Variants in CTNNA2 observed in about 807,000 individuals in gnomAD.
CTNNA2 encodes the protein catenin alpha-2.
Under a neutral mutation model 101.0 loss-of-function variants are expected in CTNNA2, and 42 were observed. The ratio of observed to expected loss-of-function variants is 0.42; its 90% CI spans 0.32 to 0.54. CTNNA2 has a LOEUF of 0.54. Ranked by LOEUF, CTNNA2 falls within the 20% of genes least tolerant of loss-of-function variation. The probability of loss-of-function intolerance (pLI) is 0.14; values close to 1 mark genes in which losing one functional copy is unlikely to be tolerated. For synonymous variants in CTNNA2, 450 were observed against 456.4 expected (o/e 0.99, Z 0.18); for missense variants, 871 against 1,223.1 (o/e 0.71, Z 4.29).
At chr2:79,376,793 T>C (rs1246623921) in intron 4 of CTNNA2, among the ~76,000 whole-genome samples, 1 of 152,158 alleles carries the variant, frequency 6.6e-6, no homozygotes. Flanking sequence ...GCTTCATACA[T>C]GTCCCTACAA....
intron 12 of CTNNA2, among the ~76,000 whole-genome samples, chr2:80,556,105 A>G (rs1573251445): frequency 6.6e-6 from 1 of 152,318 alleles, no homozygotes; most frequent in African/African-American, 2.4e-5. Context: ...TTGCATGCAT[A>G]TATTTCTTTA....
At chr2:79,940,583 A>G (rs1688088487) in intron 7 of CTNNA2, among the ~76,000 whole-genome samples, 1 of 152,186 alleles carries the variant, frequency 6.6e-6, no homozygotes, top group Non-Finnish European at 1.5e-5. Context: ...TGAATCAGTC[A>G]GGACCCAGGC....
intron 5 of CTNNA2, among the ~76,000 whole-genome samples, chr2:79,873,227 A>C (rs184136457): frequency 2.6e-5 from 4 of 152,230 alleles, no homozygotes; most frequent in Admixed American, 2.6e-4. Flanking sequence ...TGACGTTTTC[A>C]GGTTTTCTGT....
chr2:80,160,283 G>A (rs1704230097), intron 7 of CTNNA2, among the ~76,000 whole-genome samples: 1 of 152,064 alleles, frequency 6.6e-6, no homozygotes, highest in African/African-American at 2.4e-5. Context: ...CAGTATCCTA[G>A]TTCCTTTGCC....
At chr2:79,214,681 G>A (rs1288869058) in intron 2 of CTNNA2, among the ~76,000 whole-genome samples, 1 of 152,082 alleles carries the variant, frequency 6.6e-6, no homozygotes, top group Non-Finnish European at 1.5e-5. Context: ...GGATACGAGA[G>A]GAAGACGCAA....
chr2:79,705,404 CTG>C (rs1272638700), intron 2 of CTNNA2, among the ~76,000 whole-genome samples: 1 of 152,084 alleles, frequency 6.6e-6, no homozygotes, highest in Non-Finnish European at 1.5e-5. Flanking sequence ...TAATCTGTGA[CTG>C]TGCATAATTT....
chr2:80,503,547 C>A lies in CTNNA2; in HGVS notation c.1291-41435C>A, dbSNP rs80277482. On this transcript the variant is annotated intron_variant, in intron 9 of 18. Transcript: ENST00000402739. ...AATCTATACCCCTTTCTTCTTTTTG[C>A]AGCTCTGTGCCAAATTCCCTCTTGA... is the stretch of plus-strand genomic sequence containing the variant. Among the ~76,000 whole-genome samples the A allele has an allele frequency of 3.0e-3, 463 of 152,276 alleles. 2 individuals carry two copies. Among genetic ancestry groups the A allele is most frequent in the African/African-American group, 0.011 (444 of 41,564 alleles).
intron 1 of CTNNA2, among the ~76,000 whole-genome samples, chr2:79,540,538 T>A (rs1308943860): frequency 6.6e-6 from 1 of 152,198 alleles, no homozygotes; most frequent in African/African-American, 2.4e-5. Flanking sequence ...TAATCCCCAT[T>A]GTATTCCTGT....
intron 8 of CTNNA2, among the ~76,000 whole-genome samples, chr2:80,409,401 A>G (rs1336400615): frequency 6.6e-6 from 1 of 152,172 alleles, no homozygotes. Context: ...GGAATAACTC[A>G]TGCTTACCTG....
intron 1 of CTNNA2, among the ~76,000 whole-genome samples, chr2:79,534,960 A>T (rs1251843402): frequency 6.6e-6 from 1 of 151,968 alleles, no homozygotes; most frequent in Admixed American, 6.6e-5. Flanking sequence ...ATTTAATCTG[A>T]TATTGAGTAG....
chr2:79,265,394 G>A (rs761167928), intron 2 of CTNNA2, among the ~76,000 whole-genome samples: 1 of 152,138 alleles, frequency 6.6e-6, no homozygotes, highest in African/African-American at 2.4e-5. Context: ...CTATTGGAGG[G>A]ATGTAGCTTT....
intron 1 of CTNNA2, among the ~76,000 whole-genome samples, chr2:79,549,642 T>C (rs189570532): frequency 1.2e-3 from 180 of 152,102 alleles, no homozygotes; most frequent in Admixed American, 1.9e-3. Context: ...TTTGTCATAA[T>C]AAAAAAAATA....
At chr2:80,227,291 T>A (rs1339092490) in intron 7 of CTNNA2, among the ~76,000 whole-genome samples, 4 of 152,218 alleles carry the variant, frequency 2.6e-5, no homozygotes, top group African/African-American at 9.6e-5. Context: ...TTTTGAATAC[T>A]TACCAAGTGT....
Position 79,889,283 on chromosome 2 carries a change from A to G in CTNNA2, c.852+14941A>G, listed in dbSNP as rs145520745. On this transcript the variant is annotated intron_variant, in intron 6 of 18. Coordinates refer to ENST00000402739, the MANE Select transcript of CTNNA2 (RefSeq NM_001282597.3). Reference sequence around the variant, plus strand: ...TTTCCTGAACTTCTTTTCCAGCAGAATATTATGGAAACTTCACTATAACCT... The same window carrying G: ...TTTCCTGAACTTCTTTTCCAGCAGAGTATTATGGAAACTTCACTATAACCT... Among the ~76,000 whole-genome samples, 111 of 152,344 alleles carry G rather than the reference A, an allele frequency of 7.3e-4. 4 individuals carry two copies. In the East Asian group the frequency reaches 0.019, roughly 26 times the overall value.
chr2:79,889,011 A>C (rs1436258446), intron 6 of CTNNA2, among the ~76,000 whole-genome samples: 1 of 152,216 alleles, frequency 6.6e-6, no homozygotes, highest in African/African-American at 2.4e-5. Context: ...AAATACATTT[A>C]ATACTTTAGT....
At chr2:80,486,659 T>C (rs747600016) in intron 9 of CTNNA2, among the ~76,000 whole-genome samples, 1 of 152,184 alleles carries the variant, frequency 6.6e-6, no homozygotes, top group African/African-American at 2.4e-5. Context: ...TGTACTATTT[T>C]GGAATCAGTT....
chr2:80,162,408 C>G, intron 7 of CTNNA2: 1 of 1,505,758 alleles, frequency 6.6e-7, no homozygotes, highest in East Asian at 2.3e-5. Flanking sequence ...GTCAAAGGGC[C>G]TAAAATGACC....
At chr2:79,201,756 T>G (rs1674038228) in intron 2 of CTNNA2, among the ~76,000 whole-genome samples, 1 of 152,042 alleles carries the variant, frequency 6.6e-6, no homozygotes, top group Non-Finnish European at 1.5e-5. Flanking sequence ...GCTCTTCCAC[T>G]CAGAATCCCT....
intron 3 of CTNNA2, among the ~76,000 whole-genome samples, chr2:79,318,191 G>T (rs965247707): frequency 1.3e-5 from 2 of 152,028 alleles, no homozygotes; most frequent in Non-Finnish European, 2.9e-5. Flanking sequence ...CATACATAAT[G>T]CATGCATATA....
Sources: allele counts gnomAD v4.1 joint callset (sites outside exome capture counted in the v4.1 genomes callset), GRCh38; gene constraint gnomAD v4.1.1; transcripts MANE v1.5; gene names NCBI Gene and HGNC (gene_info 2026-07-23, HGNC 2026-07-21).